The following ADAM23 variants were observed in gnomAD, a reference collection of about 807,000 sequenced individuals.
The protein encoded by ADAM23 is disintegrin and metalloproteinase domain-containing protein 23.
A neutral mutation model predicts 120.1 loss-of-function variants in ADAM23; 33 were observed. That is an observed-to-expected ratio of 0.27 (90% CI 0.21 to 0.37). The LOEUF is 0.37. ADAM23 is among the 10% of genes least tolerant of loss of function. The pLI, the probability that ADAM23 is intolerant of heterozygous loss-of-function variation, is 1.00. For synonymous variants in ADAM23, 367 were observed against 375.2 expected (o/e 0.98, Z 0.25); for missense variants, 862 against 1,058.2 (o/e 0.81, Z 2.57).
At chr2:206,608,226 C>T (rs1411586832) in intron 24 of ADAM23, among the ~76,000 whole-genome samples, 1 of 152,150 alleles carries the variant, frequency 6.6e-6, no homozygotes, top group African/African-American at 2.4e-5. Flanking sequence ...CAGCCATAAA[C>T]AATATGTAAA....
chr2:206,487,859 G>C (rs1004394614), intron 3 of ADAM23, among the ~76,000 whole-genome samples: 1 of 152,224 alleles, frequency 6.6e-6, no homozygotes, highest in Non-Finnish European at 1.5e-5. Flanking sequence ...TGCCCAGGGA[G>C]AACTCCGGGT....
chr2:206,583,913 T>C (rs1698270701), intron 18 of ADAM23, among the ~76,000 whole-genome samples: 1 of 152,154 alleles, frequency 6.6e-6, no homozygotes, highest in Non-Finnish European at 1.5e-5. Flanking sequence ...GTGTGATTTT[T>C]TGGGGGGTGT....
intron 8 of ADAM23, among the ~76,000 whole-genome samples, chr2:206,549,853 A>T (rs1038347888): frequency 6.6e-6 from 1 of 152,084 alleles, no homozygotes; most frequent in African/African-American, 2.4e-5. Context: ...ACTGTTTTCT[A>T]TGTTGATAAG....
chr2:206,588,600 G>A (rs537029853), intron 20 of ADAM23, among the ~76,000 whole-genome samples: 1 of 152,298 alleles, frequency 6.6e-6, no homozygotes, highest in Non-Finnish European at 1.5e-5. Flanking sequence ...TCAAAGTGAA[G>A]AGATGCATGT....
At chr2:206,513,675 G>T (rs865876241) in intron 3 of ADAM23, among the ~76,000 whole-genome samples, 1 of 152,226 alleles carries the variant, frequency 6.6e-6, no homozygotes, top group African/African-American at 2.4e-5. Flanking sequence ...CAATGTAGAT[G>T]AAACAGCCTT....
chr2:206,563,982 G>T (rs1034778066), intron 13 of ADAM23, among the ~76,000 whole-genome samples: 1 of 151,836 alleles, frequency 6.6e-6, no homozygotes, highest in African/African-American at 2.4e-5. Flanking sequence ...TGCCCACCTC[G>T]GCCTCCCATA....
intron 4 of ADAM23, among the ~76,000 whole-genome samples, chr2:206,537,595 AT>A (rs1697204459): frequency 6.6e-6 from 1 of 151,876 alleles, no homozygotes; most frequent in Admixed American, 6.6e-5. Flanking sequence ...TTTTAGTAAT[AT>A]TTTAATGAAG....
chr2:206,559,846 C>T (rs777203506), intron 10 of ADAM23, 109 bp from the exon 11 acceptor site: 5 of 887,376 alleles, frequency 5.6e-6, no homozygotes, highest in Non-Finnish European at 5.0e-6. Flanking sequence ...ATTATGACCC[C>T]GTGTTCTCTC....
intron 4 of ADAM23, among the ~76,000 whole-genome samples, chr2:206,535,316 G>A (rs1374649365): frequency 6.6e-6 from 1 of 152,166 alleles, no homozygotes; most frequent in African/African-American, 2.4e-5. Flanking sequence ...AAGTGCTGTC[G>A]AGATTGTGGA....
chr2:206,548,265 T>G lies in ADAM23; in HGVS notation c.794-16T>G, dbSNP rs775768508. On this transcript the variant is annotated splice_polypyrimidine_tract_variant and intron_variant, in intron 7 of 25. Transcript: ENST00000264377. ...AATAAGCATAAAATTTTGATACTAA[T>G]TTTTCCTTTCTGCAGCTATGGAAAG... 3.7e-6 allele frequency: 6 copies of G among 1,610,238 alleles called. No homozygotes were observed. In the East Asian group the frequency reaches 8.9e-5, roughly 24 times the overall value.
At chr2:206,511,779 T>G (rs2105900730) in intron 3 of ADAM23, among the ~76,000 whole-genome samples, 1 of 152,340 alleles carries the variant, frequency 6.6e-6, no homozygotes, top group African/African-American at 2.4e-5. Flanking sequence ...CTGTAGGGAA[T>G]GTGTAGTAAT....
intron 24 of ADAM23, among the ~76,000 whole-genome samples, chr2:206,599,962 G>A (rs1698605231): frequency 6.6e-6 from 1 of 152,208 alleles, no homozygotes; most frequent in Non-Finnish European, 1.5e-5. Context: ...AGCACTTTGG[G>A]AGGCCAAGGC....
rs115408605 is a variant in ADAM23, at chr2:206,502,241, A to C, written c.509+20933A>C. On this transcript the variant is annotated intron_variant, in intron 3 of 25. Transcript: ENST00000264377. ...CTGTTTAAACTGGCTCTTTGGCCAT[A>C]GTCTTTGTTCAAAACAGGTCACCTT... is the stretch of plus-strand genomic sequence containing the variant. Among the ~76,000 whole-genome samples the C allele has an allele frequency of 2.7e-3, 404 of 152,274 alleles. 2 individuals carry two copies. The highest frequency in any genetic ancestry group is 8.9e-3 in the African/African-American group (369 of 41,572).
chr2:206,480,788 T>A (rs1368675469), intron 2 of ADAM23, among the ~76,000 whole-genome samples: 1 of 152,164 alleles, frequency 6.6e-6, no homozygotes, highest in Non-Finnish European at 1.5e-5. Context: ...TGCTGATACA[T>A]CATTTAGAGA....
At chr2:206,463,314 G>T (rs1324748848) in intron 2 of ADAM23, among the ~76,000 whole-genome samples, 1 of 152,182 alleles carries the variant, frequency 6.6e-6, no homozygotes, top group Non-Finnish European at 1.5e-5. Context: ...GGAAACAGAG[G>T]TTTGAGTGAT....
At chr2:206,482,772 A>C (rs1314679611) in intron 3 of ADAM23, among the ~76,000 whole-genome samples, 1 of 152,156 alleles carries the variant, frequency 6.6e-6, no homozygotes, top group African/African-American at 2.4e-5. Context: ...TTAAAATGGA[A>C]TGTTATGGTA....
Position 206,573,138 on chromosome 2 carries a change from C to T in ADAM23, c.1680C>T (p.Cys560=), listed in dbSNP as rs764377308. 6.2e-7 allele frequency: 1 copy of T among 1,613,866 alleles called. No homozygotes were observed. The highest frequency in any genetic ancestry group is 8.5e-7 in the Non-Finnish European group (1 of 1,179,864). The change falls in exon 18 of 26, where the codon TGC becomes TGT. Residue 560 remains cysteine, a synonymous_variant. Coordinates refer to ENST00000264377, the MANE Select transcript of ADAM23 (RefSeq NM_003812.4). The stretch of plus-strand genomic sequence containing the variant: ...AGTTTCAGCCACGAGGGTATGAATG[C>T]CGGGATGCTGTGAACGAGTGTGATA... ...SCLFQPRGYE[C]RDAVNECDIT...
chr2:206,465,157 G>A lies in ADAM23; in HGVS notation c.433-16075G>A, dbSNP rs183112721. On this transcript the variant is annotated intron_variant, in intron 2 of 25. Coordinates refer to ENST00000264377, the MANE Select transcript of ADAM23 (RefSeq NM_003812.4). The stretch of plus-strand genomic sequence containing the variant: ...AACTTTTGGGCTTAAGCAATCCTCA[G>A]CCTCTTGCGTAGCTAGGACTGTAGG... 4.9e-3 allele frequency among the ~76,000 whole-genome samples: 746 copies of A among 152,220 alleles called. 2 individuals are homozygous for A. Among genetic ancestry groups the A allele is most frequent in the Middle Eastern group, 0.014 (4 of 294 alleles).
Position 206,507,306 on chromosome 2 carries a change from A to C in ADAM23, c.510-23579A>C, listed in dbSNP as rs1696515213. 2.6e-5 allele frequency among the ~76,000 whole-genome samples: 4 copies of C among 152,218 alleles called. No homozygotes were observed. In the South Asian group the frequency reaches 8.3e-4, roughly 32 times the overall value. ...TGGGAGGTGATTGGAGCATGGGGGCAGACTTCTCATGCATGGGTTAGCACT... is the reference window on the plus strand; with the variant it reads ...TGGGAGGTGATTGGAGCATGGGGGCCGACTTCTCATGCATGGGTTAGCACT... On this transcript the variant is annotated intron_variant, in intron 3 of 25. Transcript: ENST00000264377.
Sources: allele counts gnomAD v4.1 joint callset (sites outside exome capture counted in the v4.1 genomes callset), GRCh38; gene constraint gnomAD v4.1.1; transcripts MANE v1.5; gene names NCBI Gene and HGNC (gene_info 2026-07-23, HGNC 2026-07-21).